Variants in LRBA observed in about 807,000 individuals in gnomAD.
The protein encoded by LRBA is lipopolysaccharide-responsive and beige-like anchor protein.
In LRBA, 176 loss-of-function variants were observed where a neutral mutation model predicts 330.0. The ratio of observed to expected loss-of-function variants is 0.53; its 90% CI spans 0.47 to 0.60. LRBA has a LOEUF of 0.60. LRBA is among the 20% of genes least tolerant of loss of function. The pLI, the probability that LRBA is intolerant of heterozygous loss-of-function variation, is 0.00. For missense variants in LRBA, 3,259 were observed against 3,444.8 expected (o/e 0.95, Z 1.35); for synonymous variants, 1,230 against 1,193.0 (o/e 1.03, Z -0.64).
At position 150,425,229 on chromosome 4, in the gene LRBA, A is replaced by G. The variant is rs1749412665; in HGVS notation, c.7042-9639T>C. ...ATTTACAAAGTGAAGTATGTTTTAT[A>G]TTCATCAGAACAGAACAGTCAGCTC... is the stretch of plus-strand genomic sequence containing the variant. On this transcript the variant is annotated intron_variant, in intron 46 of 56. Coordinates refer to ENST00000651943, the MANE Select transcript of LRBA (RefSeq NM_001364905.1). Among the ~76,000 whole-genome samples, 6 of 152,242 alleles carry G rather than the reference A, an allele frequency of 3.9e-5. No individual in the cohort carries two copies. In the South Asian group the frequency reaches 1.2e-3, roughly 31 times the overall value.
At position 151,014,614 on chromosome 4, in the gene LRBA, G is replaced by A. The variant is rs1745228955; in HGVS notation, c.29C>T (p.Ser10Phe). The A allele has an allele frequency of 6.2e-7, 1 of 1,606,770 alleles. No homozygotes were observed. Among genetic ancestry groups the A allele is most frequent in the African/African-American group, 1.3e-5 (1 of 74,876 alleles). ...CCCGTCATCACCTGTTGGTGGCGGG[G>A]AAGGGACACGATTGTCTTCGCTAGC... MASEDNRVP[S>F]PPPTGDDGGG... Residue 10 changes from serine to phenylalanine, a missense_variant, in exon 2 of 57, where the codon TCC becomes TTC. Transcript: ENST00000651943.
In LRBA at chr4:150,583,013, C is replaced by T. The variant is rs375783917; in HGVS notation, c.6330+5035G>A. 23 of 1,573,260 alleles carry T rather than the reference C, an allele frequency of 1.5e-5. No individual in the cohort carries two copies. The highest frequency in any genetic ancestry group is 6.0e-5 in the South Asian group (5 of 84,006). On this transcript the variant is annotated intron_variant, in intron 40 of 56. Transcript: ENST00000651943. The surrounding 1 kb of genome is among the most constrained non-coding windows in gnomAD (Gnocchi z 9.8). ...TATTGCGAGACGCCGGTGTATAGCCCGGACCTGTGCCCCAACATGATCGCC... is the reference window on the plus strand; with the variant it reads ...TATTGCGAGACGCCGGTGTATAGCCTGGACCTGTGCCCCAACATGATCGCC...
chr4:150,653,657 TG>T (rs1779917154), intron 37 of LRBA, among the ~76,000 whole-genome samples: 2 of 152,226 alleles, frequency 1.3e-5, no homozygotes, highest in Admixed American at 1.3e-4. Context: ...GAAAAAATAC[TG>T]TTTAACTTTA....
chr4:150,907,789 T>C (rs1413847169), intron 11 of LRBA, among the ~76,000 whole-genome samples: 1 of 152,150 alleles, frequency 6.6e-6, no homozygotes, highest in Non-Finnish European at 1.5e-5. Flanking sequence ...TTATATCCCT[T>C]TCTTTTTTAG....
chr4:150,312,532 G>A lies in LRBA; in HGVS notation c.7694-2148C>T, dbSNP rs114721697. On this transcript the variant is annotated intron_variant, in intron 51 of 56. Coordinates refer to ENST00000651943, the MANE Select transcript of LRBA (RefSeq NM_001364905.1). ...ATCTTACTATGTGCTTTAGCTGAGT[G>A]TAATTTCTTGCCCCCAATAAAGGGA... is the stretch of plus-strand genomic sequence containing the variant. Among the ~76,000 whole-genome samples the A allele has an allele frequency of 2.8e-3, 427 of 152,008 alleles. 2 individuals carry two copies. Among genetic ancestry groups the A allele is most frequent in the African/African-American group, 9.7e-3 (404 of 41,450 alleles).
At chr4:150,916,555 C>A (rs1484218174) in intron 6 of LRBA, 28 bp from the exon 7 acceptor site, 7 of 1,608,756 alleles carry the variant, frequency 4.4e-6, no homozygotes, top group Non-Finnish European at 5.9e-6. Context: ...CATTTTACCT[C>A]TAAATATTCT....
Position 150,371,182 on chromosome 4 carries a change from A to ATTTTTTTTTTTTTTTTTTT in LRBA, c.7195-21042_7195-21024dup, listed in dbSNP as rs70937395. Among the ~76,000 whole-genome samples, 22 of 91,924 alleles carry ATTTTTTTTTTTTTTTTTTT rather than the reference A, an allele frequency of 2.4e-4. 1 individual carries two copies. The highest frequency in any genetic ancestry group is 1.1e-3 in the African/African-American group (22 of 20,824). The allele number at this position is 91,924 out of a possible 152,430, so 60.3% of individuals were successfully genotyped here. On this transcript the variant is annotated intron_variant, in intron 47 of 56. Transcript: ENST00000651943. ...AAAAGCATGAGCTGCAAGCTACTAAATTTTTTTTTTTTTTTTTTTTTTTTT... is the reference window on the plus strand; with the variant it reads ...AAAAGCATGAGCTGCAAGCTACTAAATTTTTTTTTTTTTTTTTTTTTTTTTTTTTTTTTTTTTTTTTTTT...
At chr4:150,613,725 C>A (rs1400654727) in intron 37 of LRBA, among the ~76,000 whole-genome samples, 5 of 152,226 alleles carry the variant, frequency 3.3e-5, no homozygotes, top group Non-Finnish European at 5.9e-5. Context: ...GAATGCTTTG[C>A]ATCTCTGGCG....
At chr4:150,566,655 T>C (rs182775777) in intron 40 of LRBA, among the ~76,000 whole-genome samples, 1 of 152,068 alleles carries the variant, frequency 6.6e-6, no homozygotes, top group Non-Finnish European at 1.5e-5. Context: ...ATTTCACTAA[T>C]ACAAATAGTA....
chr4:150,758,732 C>T (rs555898461), intron 35 of LRBA, among the ~76,000 whole-genome samples: 3 of 151,646 alleles, frequency 2.0e-5, no homozygotes, highest in Non-Finnish European at 4.4e-5. Flanking sequence ...TGCCACCATA[C>T]CCAACTAATT....
At chr4:150,956,003 T>C (rs191346535) in intron 2 of LRBA, among the ~76,000 whole-genome samples, 2 of 148,912 alleles carry the variant, frequency 1.3e-5, no homozygotes, top group Non-Finnish European at 2.9e-5. Flanking sequence ...AAGAAATGAA[T>C]GAAACAAATG....
At chr4:150,928,658 A>ATT (rs1212013989) in intron 3 of LRBA, 42 bp from the exon 4 acceptor site, 4 of 1,476,490 alleles carry the variant, frequency 2.7e-6, no homozygotes, top group Non-Finnish European at 3.8e-6. Context: ...AGCTAGTTAT[A>ATT]TTTCTCGAAT....
At chr4:150,806,105 C>A (rs978886081) in intron 33 of LRBA, among the ~76,000 whole-genome samples, 166 bp downstream of exon 33, 1 of 151,596 alleles carries the variant, frequency 6.6e-6, no homozygotes, top group Non-Finnish European at 1.5e-5. Flanking sequence ...TTGAAGATTA[C>A]AACATAATAG....
intron 24 of LRBA, among the ~76,000 whole-genome samples, chr4:150,850,416 T>C (rs1750477406): frequency 1.3e-5 from 2 of 152,092 alleles, no homozygotes; most frequent in Non-Finnish European, 2.9e-5. Context: ...TTTTTAATAC[T>C]TCTAGTAATA....
At chr4:150,699,456 A>G (rs1784927379) in intron 36 of LRBA, among the ~76,000 whole-genome samples, 1 of 152,202 alleles carries the variant, frequency 6.6e-6, no homozygotes, top group South Asian at 2.1e-4. Context: ...TGTTTGTAAG[A>G]TGGGAAGAGG....
intron 40 of LRBA, among the ~76,000 whole-genome samples, chr4:150,506,935 A>G (rs1761168360): frequency 6.6e-6 from 1 of 152,068 alleles, no homozygotes; most frequent in Non-Finnish European, 1.5e-5. Context: ...CACGAATAAC[A>G]GACAAACAGA....
intron 40 of LRBA, among the ~76,000 whole-genome samples, chr4:150,529,136 C>G (rs761439287): frequency 5.9e-5 from 9 of 152,156 alleles, no homozygotes; most frequent in Non-Finnish European, 1.3e-4. Context: ...AAATCATTAG[C>G]AGTGACTCTG....
chr4:150,628,805 A>T (rs1777094679), intron 37 of LRBA, among the ~76,000 whole-genome samples: 1 of 152,216 alleles, frequency 6.6e-6, no homozygotes, highest in South Asian at 2.1e-4. Context: ...GCTACTGTTA[A>T]TGTCATTTCA....
At chr4:150,588,526 G>A (rs1430022690) in intron 39 of LRBA, among the ~76,000 whole-genome samples, 1 of 152,108 alleles carries the variant, frequency 6.6e-6, no homozygotes, top group Non-Finnish European at 1.5e-5. Flanking sequence ...CAGGCCTCAG[G>A]CTATCTAACA....
Sources: gnomAD v4.1 joint callset for allele counts (sites outside exome capture counted in the v4.1 genomes callset) on GRCh38, gnomAD v4.1.1 for gene constraint, Gnocchi (gnomAD v3.1) non-coding constraint, MANE v1.5 for transcripts, NCBI Gene and HGNC (gene_info 2026-07-23, HGNC 2026-07-21) for gene names.